Variants in CELF4 observed in about 807,000 individuals in gnomAD.
CELF4 encodes the protein CUGBP Elav-like family member 4, also known as CUG-BP- and ETR-3-like factor 4.
Under a neutral mutation model 59.9 loss-of-function variants are expected in CELF4, and 18 were observed. The ratio of observed to expected loss-of-function variants is 0.30; its 90% CI spans 0.21 to 0.45. CELF4 has a LOEUF of 0.45. Among genes scored for constraint, CELF4 ranks in the 20% least tolerant of loss-of-function variants. CELF4 has a pLI of 1.00. For missense variants in CELF4, 456 were observed against 689.0 expected (o/e 0.66, Z 3.79); for synonymous variants, 261 against 267.1 (o/e 0.98, Z 0.22).
At chr18:37,373,299 G>A (rs2098925549) in intron 2 of CELF4, among the ~76,000 whole-genome samples, 1 of 152,198 alleles carries the variant, frequency 6.6e-6, no homozygotes, top group African/African-American at 2.4e-5. Flanking sequence ...TCTCACAGGC[G>A]CAGCCATGTG....
At chr18:37,472,879 T>C (rs879815585) in intron 2 of CELF4, among the ~76,000 whole-genome samples, 1 of 152,208 alleles carries the variant, frequency 6.6e-6, no homozygotes, top group Non-Finnish European at 1.5e-5. Flanking sequence ...GGACTGGTTC[T>C]ATGCGGGCAT....
intron 2 of CELF4, among the ~76,000 whole-genome samples, chr18:37,450,965 C>T (rs962932072): frequency 2.5e-4 from 38 of 152,198 alleles, no homozygotes; most frequent in African/African-American, 8.9e-4. Flanking sequence ...AAAGCCCCAC[C>T]CACTGCCCTG....
At chr18:37,493,814 C>A (rs1045020806) in intron 1 of CELF4, among the ~76,000 whole-genome samples, 3 of 152,176 alleles carry the variant, frequency 2.0e-5, no homozygotes, top group Admixed American at 2.0e-4. Context: ...TCCGTACTGC[C>A]CTCCAGAGTC....
At chr18:37,453,947 C>T (rs780114196) in intron 2 of CELF4, among the ~76,000 whole-genome samples, 5 of 152,134 alleles carry the variant, frequency 3.3e-5, no homozygotes, top group African/African-American at 9.7e-5. Context: ...CCTCCACCCC[C>T]GTCCTGTTTG....
intron 2 of CELF4, among the ~76,000 whole-genome samples, chr18:37,330,358 T>C (rs1212335738): frequency 6.6e-6 from 1 of 152,210 alleles, no homozygotes; most frequent in Non-Finnish European, 1.5e-5. Flanking sequence ...TGAGGGCTTC[T>C]GCAGTGCCCT....
chr18:37,300,650 T>G (rs529690540), intron 3 of CELF4, among the ~76,000 whole-genome samples: 1 of 152,160 alleles, frequency 6.6e-6, no homozygotes, highest in East Asian at 1.9e-4. Flanking sequence ...GAACAAAGAG[T>G]CCCTGTCTGC....
chr18:37,378,777 AGGAAGGAGTAGCTGTGGGG>A (rs2099001762), intron 2 of CELF4, among the ~76,000 whole-genome samples: 1 of 152,046 alleles, frequency 6.6e-6, no homozygotes, highest in Non-Finnish European at 1.5e-5. Context: ...AGGCTCACAG[AGGAAGGAGTAGCTGTGGGG>A]GTGCACTGCC....
chr18:37,274,700 G>A, intron 5 of CELF4, 105 bp downstream of exon 5: 1 of 1,500,610 alleles, frequency 6.7e-7, no homozygotes, highest in Non-Finnish European at 8.8e-7. Context: ...TAAGGGTCAT[G>A]CTTTCCTGTC....
intron 3 of CELF4, among the ~76,000 whole-genome samples, chr18:37,312,839 G>C (rs1164023694): frequency 6.6e-6 from 1 of 152,148 alleles, no homozygotes; most frequent in Non-Finnish European, 1.5e-5. Context: ...TTCCTGTGAT[G>C]CCTCCCCAGG....
intron 2 of CELF4, among the ~76,000 whole-genome samples, chr18:37,379,011 T>A (rs1374150691): frequency 6.6e-6 from 1 of 152,210 alleles, no homozygotes; most frequent in African/African-American, 2.4e-5. Context: ...TCTTCCTGTC[T>A]GTGTCTGACC....
chr18:37,358,030 G>C (rs939916124), intron 2 of CELF4, among the ~76,000 whole-genome samples: 1 of 152,150 alleles, frequency 6.6e-6, no homozygotes, highest in Non-Finnish European at 1.5e-5. Flanking sequence ...TCTGGACTGT[G>C]GGCTTTTGAG....
rs769828279 is a variant in CELF4 at position 37,253,962 on chromosome 18, G to A, written c.1334-24C>T. ...GCCTGGCGAGACACGAGGGACGAGG[G>A]CCTGGGTTTCCACGGGGCCGCCCGG... On this transcript the variant is annotated intron_variant, in intron 11 of 12. Transcript: ENST00000420428. This position sits in a 1 kb window ranked among gnomAD's most constrained non-coding sequence, Gnocchi z 4.5. 1.3e-6 allele frequency: 2 copies of A among 1,586,414 alleles called. No homozygotes were observed. Among genetic ancestry groups the A allele is most frequent in the Admixed American group, 3.4e-5 (2 of 58,562 alleles).
At chr18:37,351,005 C>T (rs903562941) in intron 2 of CELF4, among the ~76,000 whole-genome samples, 4 of 152,246 alleles carry the variant, frequency 2.6e-5, no homozygotes, top group African/African-American at 9.6e-5. Flanking sequence ...CCCTGTCGGT[C>T]ACATCCCTAC....
intron 1 of CELF4, among the ~76,000 whole-genome samples, chr18:37,544,913 C>G (rs1296455276): frequency 6.6e-6 from 1 of 152,172 alleles, no homozygotes; most frequent in Non-Finnish European, 1.5e-5. Context: ...GGACAGGGAG[C>G]TGATCCTGGG....
At chr18:37,292,597 T>G (rs2095411322) in intron 3 of CELF4, among the ~76,000 whole-genome samples, 1 of 152,314 alleles carries the variant, frequency 6.6e-6, no homozygotes, top group African/African-American at 2.4e-5. Context: ...TGGAGGAAAC[T>G]TGCTGCGGTT....
At chr18:37,362,858 T>C (rs986151984) in intron 2 of CELF4, among the ~76,000 whole-genome samples, 2 of 152,172 alleles carry the variant, frequency 1.3e-5, no homozygotes, top group South Asian at 4.1e-4. Flanking sequence ...CACACCTCAG[T>C]TCAGGGGTCA....
chr18:37,269,826 A>C (rs2090245818), intron 8 of CELF4, among the ~76,000 whole-genome samples: 1 of 152,198 alleles, frequency 6.6e-6, no homozygotes, highest in African/African-American at 2.4e-5. Context: ...ATCATTCTGC[A>C]GACTTAGATT....
At chr18:37,288,483 C>G (rs1411352989) in intron 3 of CELF4, among the ~76,000 whole-genome samples, 1 of 152,220 alleles carries the variant, frequency 6.6e-6, no homozygotes, top group Admixed American at 6.5e-5. Context: ...CCACTGTTCC[C>G]CATTCTACAG....
chr18:37,332,397 G>A (rs1340581236), intron 2 of CELF4, among the ~76,000 whole-genome samples: 1 of 152,190 alleles, frequency 6.6e-6, no homozygotes, highest in African/African-American at 2.4e-5. Flanking sequence ...CTATGCAACA[G>A]GCAGCTCTGC....
Sources: allele counts gnomAD v4.1 joint callset (sites outside exome capture counted in the v4.1 genomes callset), GRCh38; gene constraint gnomAD v4.1.1; non-coding constraint Gnocchi (gnomAD v3.1); transcripts MANE v1.5; gene names NCBI Gene and HGNC (gene_info 2026-07-23, HGNC 2026-07-21).